The following PCARE variants were observed in gnomAD, a reference collection of about 807,000 sequenced individuals.
The protein encoded by PCARE is uncharacterized protein C2orf71.
Under a neutral mutation model 82.2 loss-of-function variants are expected in PCARE, and 72 were observed. The observed-to-expected ratio is 0.88, with a 90% CI of 0.72 to 1.07. The LOEUF (loss-of-function observed/expected upper bound fraction) is 1.07, where lower values mean the gene tolerates loss of function less well. PCARE is among the 50% of genes least tolerant of loss of function. The probability of loss-of-function intolerance (pLI) is 0.00; values close to 1 mark genes in which losing one functional copy is unlikely to be tolerated. For synonymous variants in PCARE, 705 were observed against 634.8 expected (o/e 1.11, Z -1.66); for missense variants, 1,768 against 1,592.4 (o/e 1.11, Z -1.88).
rs755160338 is a variant in PCARE at position 29,072,553 on chromosome 2, C to CCCT, written c.1706_1708dup (p.Glu569dup). The stretch of plus-strand genomic sequence containing the variant: ...AGGTCTTGGGGGGACCACTGTCCTC[C>CCCT]CCTCCTCCTCCTCAGACCAGTCCTG... On this transcript the variant is annotated inframe_insertion, in exon 1 of 2. Coordinates refer to ENST00000331664, the MANE Select transcript of PCARE (RefSeq NM_001029883.3). 2 of 1,614,062 alleles carry CCCT rather than the reference C, an allele frequency of 1.2e-6. No homozygotes were observed.
rs1572827332 is a variant in PCARE at position 29,071,794 on chromosome 2, A to C, written c.2468T>G (p.Met823Arg). Residue 823 changes from methionine to arginine, a missense_variant, in exon 1 of 2, where the codon ATG becomes AGG. Physicochemically the swap from Met to Arg is moderately conservative, Grantham distance 91. Coordinates refer to ENST00000331664, the MANE Select transcript of PCARE (RefSeq NM_001029883.3). ...AAKSEELSCE[M>R]EGNLEHLPPP... Reference sequence around the variant, plus strand: ...AGGGAGGTGCTCGAGGTTCCCCTCCATTTCACAGCTGAGCTCCTCACTCTT... The same window carrying C: ...AGGGAGGTGCTCGAGGTTCCCCTCCCTTTCACAGCTGAGCTCCTCACTCTT... 2 of 1,613,730 alleles carry C rather than the reference A, an allele frequency of 1.2e-6. No homozygotes were observed. The highest frequency in any genetic ancestry group is 1.7e-6 in the Non-Finnish European group (2 of 1,179,688).
Position 29,065,022 on chromosome 2 carries a change from G to T in PCARE, c.3714C>A (p.Ser1238Arg), listed in dbSNP as rs368652431. 1.2e-5 allele frequency: 18 copies of T among 1,556,882 alleles called. No homozygotes were observed. In the African/African-American group the frequency reaches 1.6e-4, roughly 14 times the overall value. ...CGCCCTGCAGTTCAGGGGAACAGGG[G>T]CTGCTCCCCGGCTCTGTGTCCTTCT... ...SPKKDTEPGS[S>R]PCSPELQGGT... Residue 1238 changes from serine (S) to arginine (R), a missense_variant, in exon 2 of 2, where the codon AGC becomes AGA. Coordinates refer to ENST00000331664, the MANE Select transcript of PCARE (RefSeq NM_001029883.3).
In PCARE at chr2:29,064,528, G is replaced by C; in HGVS notation, c.*341C>G. 1 of 458,526 alleles carries C rather than the reference G, an allele frequency of 2.2e-6. No individual in the cohort carries two copies. The highest frequency in any genetic ancestry group is 4.0e-6 in the Non-Finnish European group (1 of 249,670). The allele number at this position is 458,526 out of a possible 1,614,324, so 28.4% of individuals were successfully genotyped here. The stretch of plus-strand genomic sequence containing the variant: ...TGTTGTGAGGCTTAAGTGATCTCAA[G>C]GAATGAACCCAGTTAAAACCCTATC... On this transcript the variant is annotated 3_prime_UTR_variant, in exon 2 of 2. Coordinates refer to ENST00000331664, the MANE Select transcript of PCARE (RefSeq NM_001029883.3).
rs779396173 is a variant in PCARE at position 29,072,519 on chromosome 2, T to C, written c.1743A>G (p.Val581=). The C allele has an allele frequency of 6.2e-7, 1 of 1,614,200 alleles. No individual in the cohort carries two copies. Among genetic ancestry groups the C allele is most frequent in the East Asian group, 2.2e-5 (1 of 44,874 alleles). ...TCTCAGGGGCCCTCCTGCTGCCACT[T>C]ACCGTGCTAGGTCTTGGGGGGACCA... ...RTVVPPRPST[V]SGSRRAPERQ... is the part of the protein sequence containing the mutation. The change falls in exon 1 of 2, where the codon GTA becomes GTG. Residue 581 remains valine (V), a synonymous_variant. Transcript: ENST00000331664.
chr2:29,065,039 T>C lies in PCARE; in HGVS notation c.3697A>G (p.Thr1233Ala). The C allele has an allele frequency of 6.4e-7, 1 of 1,550,930 alleles. No individual in the cohort carries two copies. The highest frequency in any genetic ancestry group is 8.7e-7 in the Non-Finnish European group (1 of 1,147,748). Residue 1233 changes from threonine to alanine, a missense_variant, in exon 2 of 2, where the codon ACA becomes GCA. Physicochemically the swap from Thr to Ala is moderately conservative, Grantham distance 58. Coordinates refer to ENST00000331664, the MANE Select transcript of PCARE (RefSeq NM_001029883.3). The stretch of plus-strand genomic sequence containing the variant: ...GAACAGGGGCTGCTCCCCGGCTCTG[T>C]GTCCTTCTTAGGGCTCTCCTCGCTG... ...SSSEESPKKDTEPGSSPCSPE... is the reference protein window; with the variant it reads ...SSSEESPKKDAEPGSSPCSPE...
Position 29,073,533 on chromosome 2 carries a change from G to A in PCARE, c.729C>T (p.Leu243=), listed in dbSNP as rs370440587. Residue 243 remains leucine, a synonymous_variant, in exon 1 of 2, where the codon CTC becomes CTT. Transcript: ENST00000331664. ...LGEISKDGEV[L]LQEVREDLAW... ...CCAGATCCTCCCTGACTTCCTGCAG[G>A]AGCACTTCTCCATCCTTGGAGATCT... The A allele has an allele frequency of 5.6e-6, 9 of 1,614,036 alleles. No individual in the cohort carries two copies. The highest frequency in any genetic ancestry group is 5.3e-5 in the African/African-American group (4 of 74,906).
At chr2:29,068,144 C>A (rs1233729338) in intron 1 of PCARE, among the ~76,000 whole-genome samples, 1 of 152,184 alleles carries the variant, frequency 6.6e-6, no homozygotes, top group Non-Finnish European at 1.5e-5. Flanking sequence ...AATGCATTAA[C>A]ATTTATAGAG....
chr2:29,073,962 T>G lies in PCARE; in HGVS notation c.300A>C (p.Ser100=), dbSNP rs1667543694. 1 of 1,614,144 alleles carries G rather than the reference T, an allele frequency of 6.2e-7. No individual in the cohort carries two copies. ...EGLIPGTKTS[S]SQLNKSQSHM... Reference sequence around the variant, plus strand: ...GGCTTTGTGATTTGTTCAGCTGGGATGAAGAGGTTTTGGTTCCTGGGATCA... The same window carrying G: ...GGCTTTGTGATTTGTTCAGCTGGGAGGAAGAGGTTTTGGTTCCTGGGATCA... The change falls in exon 1 of 2, where the codon TCA becomes TCC. Residue 100 remains serine (S), a synonymous_variant. Coordinates refer to ENST00000331664, the MANE Select transcript of PCARE (RefSeq NM_001029883.3).
In PCARE at chr2:29,070,645, G is replaced by GT. The variant is rs747931529; in HGVS notation, c.3616_3617insA (p.Pro1206HisfsTer11). On this transcript the variant is annotated frameshift_variant, in exon 1 of 2. Transcript: ENST00000331664. LOFTEE classifies it high-confidence loss of function. Reference sequence around the variant, plus strand: ...AGAGGTGCTGGTGGGGTCCAAGGTGGGAGGCTGCGGTCGGCCACCTGGCTG... The same window carrying GT: ...AGAGGTGCTGGTGGGGTCCAAGGTGGTGAGGCTGCGGTCGGCCACCTGGCTG... The GT allele has an allele frequency of 3.1e-6, 5 of 1,614,096 alleles. No homozygotes were observed. Among genetic ancestry groups the GT allele is most frequent in the Admixed American group, 3.3e-5 (2 of 60,032 alleles).
chr2:29,070,512 C>A, intron 1 of PCARE, 82 bp downstream of exon 1: 1 of 1,578,290 alleles, frequency 6.3e-7, no homozygotes, highest in Non-Finnish European at 8.7e-7. Context: ...ACTACTGAGA[C>A]CCAGAAGATC....
rs577288731 is a variant in PCARE, at chr2:29,066,005, G to A, written c.3669-938C>T. ...CTACTAAAAATAGCAAAAATTAGCC[G>A]GGCATAGTGGTGGACACCTGTAATC... is the stretch of plus-strand genomic sequence containing the variant. On this transcript the variant is annotated intron_variant, in intron 1 of 1. Coordinates refer to ENST00000331664, the MANE Select transcript of PCARE (RefSeq NM_001029883.3). 6.6e-5 allele frequency among the ~76,000 whole-genome samples: 10 copies of A among 152,188 alleles called. No individual in the cohort carries two copies. In the East Asian group the frequency reaches 7.7e-4, roughly 12 times the overall value.
Position 29,073,708 on chromosome 2 carries a change from T to C in PCARE, c.554A>G (p.Gln185Arg), listed in dbSNP as rs1331708219. The C allele has an allele frequency of 1.9e-6, 3 of 1,614,062 alleles. No individual in the cohort carries two copies. The highest frequency in any genetic ancestry group is 2.5e-6 in the Non-Finnish European group (3 of 1,180,030). Residue 185 changes from glutamine (Q) to arginine (R), a missense_variant, in exon 1 of 2, where the codon CAG becomes CGG. By Grantham distance (43) the Gln-to-Arg change is conservative. Coordinates refer to ENST00000331664, the MANE Select transcript of PCARE (RefSeq NM_001029883.3). ...GGAGTGTAGATAGGTGTAAGCCTGC[T>C]GGTGGGCCTTTACCAGAGGCTCCGG... ...DFPEPLVKAH[Q>R]QAYTYLHSSL... is the part of the protein sequence containing the mutation.
intron 1 of PCARE, among the ~76,000 whole-genome samples, chr2:29,065,388 T>A (rs972967072): frequency 1.3e-5 from 2 of 152,280 alleles, no homozygotes; most frequent in African/African-American, 2.4e-5. Flanking sequence ...ATTTTGTTTT[T>A]GTTTTTAAAG....
rs1667332559 is a variant in PCARE at position 29,062,882 on chromosome 2, G to C, written c.*1987C>G. The C allele has an allele frequency of 6.6e-6, 1 of 152,250 alleles. No individual in the cohort carries two copies. Among genetic ancestry groups the C allele is most frequent in the Non-Finnish European group, 1.5e-5 (1 of 68,070 alleles). The allele number at this position is 152,250 out of a possible 1,614,324, so 9.4% of individuals were successfully genotyped here. ...GTCCCACTCCAGTCTCCCTGCAGCT[G>C]GGGAACAGCTTCGTTTCCTCGGACC... On this transcript the variant is annotated 3_prime_UTR_variant, in exon 2 of 2. Transcript: ENST00000331664.
Position 29,074,316 on chromosome 2 carries a change from T to C in PCARE, c.-55A>G, listed in dbSNP as rs543040018. 1.2e-5 allele frequency: 18 copies of C among 1,508,852 alleles called. 1 individual carries two copies. In the South Asian group the frequency reaches 1.9e-4, roughly 16 times the overall value. The allele number at this position is 1,508,852 out of a possible 1,614,324, so 93.5% of individuals were successfully genotyped here. On this transcript the variant is annotated 5_prime_UTR_variant, in exon 1 of 2. Transcript: ENST00000331664. ...CCTTCACAATTTTCCAAGAATCATA[T>C]TTGAAATAGGAACAAAAGGCAATCT...
Position 29,073,075 on chromosome 2 carries a change from G to GGACTT in PCARE, c.1186_1187insAAGTC (p.Thr396LysfsTer55). 2.5e-6 allele frequency: 4 copies of GGACTT among 1,614,096 alleles called. No homozygotes were observed. The highest frequency in any genetic ancestry group is 3.4e-6 in the Non-Finnish European group (4 of 1,179,992). ...CAAACAGAATGGACTTTGCTGCCAG[G>GGACTT]TGTGTCCTGACTGCCTGGCCTCTGT... On this transcript the variant is annotated frameshift_variant, in exon 1 of 2. Coordinates refer to ENST00000331664, the MANE Select transcript of PCARE (RefSeq NM_001029883.3). LOFTEE classifies it high-confidence loss of function.
At position 29,071,884 on chromosome 2, in the gene PCARE, T is replaced by G. The variant is rs751929049; in HGVS notation, c.2378A>C (p.Lys793Thr). 7 of 1,614,230 alleles carry G rather than the reference T, an allele frequency of 4.3e-6. No individual in the cohort carries two copies. Among genetic ancestry groups the G allele is most frequent in the Non-Finnish European group, 5.1e-6 (6 of 1,180,046 alleles). The change falls in exon 1 of 2, where the codon AAA (lysine) becomes ACA (threonine). Residue 793 changes from lysine to threonine, a missense_variant. Coordinates refer to ENST00000331664, the MANE Select transcript of PCARE (RefSeq NM_001029883.3). ...TAAGGGCTTCCAGCCTATGCCCATT[T>G]TGAGAGATTCTCTGCCTGATGCTGG... ...ISPASGRESL[K>T]MGIGWKPLAP...
In PCARE at chr2:29,072,227, T is replaced by C. The variant is rs781164758; in HGVS notation, c.2035A>G (p.Ser679Gly). The C allele has an allele frequency of 1.2e-6, 2 of 1,614,248 alleles. No homozygotes were observed. Among genetic ancestry groups the C allele is most frequent in the Non-Finnish European group, 1.7e-6 (2 of 1,180,050 alleles). The change falls in exon 1 of 2, where the codon AGT becomes GGT. Residue 679 changes from serine to glycine, a missense_variant. Ser to Gly is a moderately conservative substitution (Grantham distance 56). Transcript: ENST00000331664. The stretch of plus-strand genomic sequence containing the variant: ...TTCTGCAAGATGCTCTTGTCCTGAC[T>C]AGGCAAAATACTGAAGTTCTTGGTG... The part of the protein sequence containing the change: ...SLTKNFSILP[S>G]QDKSILQKCN...
rs370703911 is a variant in PCARE, at chr2:29,074,140, A to T, written c.122T>A (p.Ile41Asn). ...GCQGGSERGS[I>N]PLLVKNSTCY... Reference sequence around the variant, plus strand: ...GGTGGAGTTTTTAACCAGCAAAGGGATGGAACCTCTTTCACTTCCGCCCTG... The same window carrying T: ...GGTGGAGTTTTTAACCAGCAAAGGGTTGGAACCTCTTTCACTTCCGCCCTG... The change falls in exon 1 of 2, where the codon ATC becomes AAC. Residue 41 changes from isoleucine (I) to asparagine (N), a missense_variant. Coordinates refer to ENST00000331664, the MANE Select transcript of PCARE (RefSeq NM_001029883.3). The T allele has an allele frequency of 2.2e-5, 35 of 1,612,968 alleles. No homozygotes were observed. The African/African-American group carries it at 4.0e-4, about 18-fold the overall frequency.
Sources: allele counts gnomAD v4.1 joint callset (sites outside exome capture counted in the v4.1 genomes callset), GRCh38; gene constraint gnomAD v4.1.1; transcripts MANE v1.5; gene names NCBI Gene and HGNC (gene_info 2026-07-23, HGNC 2026-07-21).